CPSF3: variants seen among roughly 807,000 people sequenced by gnomAD.
CPSF3 encodes cleavage and polyadenylation specificity factor subunit 3.
CPSF3 carries 57 observed loss-of-function variants against 84.1 expected under a neutral mutation model. The observed-to-expected ratio is 0.68, with a 90% CI of 0.55 to 0.85. CPSF3 has a LOEUF of 0.85. Among genes scored for constraint, CPSF3 ranks in the 40% least tolerant of loss-of-function variants. The pLI, the probability that CPSF3 is intolerant of heterozygous loss-of-function variation, is 0.00. For synonymous variants in CPSF3, 275 were observed against 278.1 expected (o/e 0.99, Z 0.11); for missense variants, 522 against 838.8 (o/e 0.62, Z 4.66).
chr2:9,449,248 G>A (rs1298426304), intron 11 of CPSF3, among the ~76,000 whole-genome samples: 2 of 152,036 alleles, frequency 1.3e-5, no homozygotes, highest in Non-Finnish European at 2.9e-5. Flanking sequence ...AAATTAGCTG[G>A]GTGTGGTCGC....
At chr2:9,442,172 C>T (rs1201987226) in intron 9 of CPSF3, among the ~76,000 whole-genome samples, 196 bp downstream of exon 9, 1 of 152,056 alleles carries the variant, frequency 6.6e-6, no homozygotes, top group African/African-American at 2.4e-5. Context: ...TAATGAGGTC[C>T]CAGGTGATTG....
chr2:9,433,774 C>T (rs1193438167), intron 5 of CPSF3, 97 bp from the exon 6 acceptor site: 2 of 784,984 alleles, frequency 2.5e-6, no homozygotes, highest in Admixed American at 2.3e-5. Context: ...GACTTAAAAA[C>T]TGTAACTGCA....
intron 10 of CPSF3, among the ~76,000 whole-genome samples, chr2:9,444,394 G>A (rs571945324): frequency 1.6e-3 from 241 of 150,882 alleles, no homozygotes; most frequent in African/African-American, 5.5e-3. Flanking sequence ...CCAAAGTGCT[G>A]GGATTACAGG....
chr2:9,460,147 A>G (rs1367853163), intron 15 of CPSF3, among the ~76,000 whole-genome samples: 1 of 152,180 alleles, frequency 6.6e-6, no homozygotes, highest in Non-Finnish European at 1.5e-5. Flanking sequence ...ATTAAGACTA[A>G]GATAAAATCC....
At chr2:9,450,218 C>A (rs1024164471) in intron 11 of CPSF3, among the ~76,000 whole-genome samples, 7 of 148,650 alleles carry the variant, frequency 4.7e-5, no homozygotes, top group Admixed American at 3.4e-4. Context: ...ATGGTGCCAT[C>A]TCGGCTCACT....
Position 9,443,384 on chromosome 2 carries a change from T to C in CPSF3, c.1096-131T>C, listed in dbSNP as rs571769766. On this transcript the variant is annotated intron_variant, in intron 9 of 17. Transcript: ENST00000238112. Reference sequence around the variant, plus strand: ...AGTATTTGATATTTACTGAGTCAGTTATATTAGAATGATTTTGTGCGTAAG... The same window carrying C: ...AGTATTTGATATTTACTGAGTCAGTCATATTAGAATGATTTTGTGCGTAAG... The C allele has an allele frequency of 3.7e-6, 3 of 804,660 alleles. No individual in the cohort carries two copies. The East Asian group carries it at 7.6e-5, about 20-fold the overall frequency. 49.8% of individuals were successfully genotyped at this position (804,660 alleles called of 1,614,324 possible). A position where few individuals can be genotyped will look rare whatever the true frequency, so the allele number is the denominator to read the frequency against.
intron 4 of CPSF3, among the ~76,000 whole-genome samples, chr2:9,431,636 C>T (rs1414359321): frequency 2.0e-5 from 3 of 150,250 alleles, no homozygotes; most frequent in East Asian, 3.9e-4. Context: ...CCTCTGCTCC[C>T]GGGTTCAGGC....
intron 10 of CPSF3, among the ~76,000 whole-genome samples, chr2:9,446,537 C>T (rs1433273750): frequency 2.7e-5 from 4 of 148,392 alleles, no homozygotes; most frequent in Admixed American, 6.8e-5. Flanking sequence ...GCCGAGATCA[C>T]GCCACTAGAC....
Position 9,448,899 on chromosome 2 carries a change from A to T in CPSF3, c.1395+549A>T, listed in dbSNP as rs191799169. Among the ~76,000 whole-genome samples, 59 of 152,176 alleles carry T rather than the reference A, an allele frequency of 3.9e-4. No individual in the cohort carries two copies. In the East Asian group the frequency reaches 8.7e-3, roughly 22 times the overall value. ...GCTGAATCTCATAGCTCTTTAATCC[A>T]TATCCCCACTTGCTTTTCCTACCCA... On this transcript the variant is annotated intron_variant, in intron 11 of 17. Coordinates refer to ENST00000238112, the MANE Select transcript of CPSF3 (RefSeq NM_016207.4).
chr2:9,445,171 G>A (rs903018035), intron 10 of CPSF3, among the ~76,000 whole-genome samples: 3 of 151,960 alleles, frequency 2.0e-5, no homozygotes, highest in Non-Finnish European at 2.9e-5. Flanking sequence ...ATTCCCTTCC[G>A]CCAACCCTGG....
At chr2:9,430,667 G>C in intron 3 of CPSF3, 85 bp from the exon 4 acceptor site, 1 of 1,328,760 alleles carries the variant, frequency 7.5e-7, no homozygotes, top group South Asian at 1.4e-5. Flanking sequence ...TATAAAACTT[G>C]TTTTGTACAG....
chr2:9,452,767 A>G (rs1572793262), intron 11 of CPSF3, 146 bp from the exon 12 acceptor site: 1 of 619,958 alleles, frequency 1.6e-6, no homozygotes, highest in African/African-American at 1.9e-5. Context: ...GAGATATCAA[A>G]CATTTTATGT....
chr2:9,466,381 C>T (rs1681972260), intron 15 of CPSF3, among the ~76,000 whole-genome samples: 1 of 79,834 alleles, frequency 1.3e-5, no homozygotes, highest in African/African-American at 3.3e-5. Flanking sequence ...CCCACGCACT[C>T]GCACACACGC....
chr2:9,444,159 T>TATATATA (rs1553344444), intron 10 of CPSF3, among the ~76,000 whole-genome samples: 212 of 113,170 alleles, frequency 1.9e-3, no homozygotes, highest in Middle Eastern at 4.9e-3. Context: ...TATATATATA[T>TATATATA]TTTTTTTTTT....
chr2:9,423,834 A>G lies in CPSF3; in HGVS notation c.50+11A>G, dbSNP rs751048335. 1 of 1,612,080 alleles carries G rather than the reference A, an allele frequency of 6.2e-7. No individual in the cohort carries two copies. Among genetic ancestry groups the G allele is most frequent in the Non-Finnish European group, 8.5e-7 (1 of 1,179,178 alleles). ...GCTGATCCGACCCCTGTAAGGGACC[A>G]GCGAGAGAGGGAATGAAGCCACGGG... On this transcript the variant is annotated intron_variant, in intron 1 of 17. Transcript: ENST00000238112.
intron 14 of CPSF3, among the ~76,000 whole-genome samples, chr2:9,458,567 A>G (rs1244471539): frequency 1.3e-5 from 2 of 152,174 alleles, no homozygotes; most frequent in African/African-American, 2.4e-5. Flanking sequence ...ATGATGGCTC[A>G]CACCTGTAAT....
At chr2:9,449,731 G>C (rs1386373411) in intron 11 of CPSF3, among the ~76,000 whole-genome samples, 1 of 152,102 alleles carries the variant, frequency 6.6e-6, no homozygotes, top group Non-Finnish European at 1.5e-5. Context: ...GACAGAGCAA[G>C]ACCTTGTCTC....
chr2:9,428,186 C>T (rs982860083), intron 1 of CPSF3, among the ~76,000 whole-genome samples: 6 of 144,756 alleles, frequency 4.1e-5, no homozygotes, highest in Admixed American at 2.0e-4. Flanking sequence ...TTAGTAGAGA[C>T]GGGGTTTCAC....
intron 5 of CPSF3, 60 bp from the exon 6 acceptor site, chr2:9,433,811 T>C (rs1035281108): frequency 1.7e-5 from 20 of 1,144,636 alleles, no homozygotes; most frequent in African/African-American, 3.1e-5. Flanking sequence ...GTTTAATCTA[T>C]TCACTAGCAA....
Sources: allele counts gnomAD v4.1 joint callset (sites outside exome capture counted in the v4.1 genomes callset), GRCh38; gene constraint gnomAD v4.1.1; transcripts MANE v1.5; gene names NCBI Gene and HGNC (gene_info 2026-07-23, HGNC 2026-07-21).